The following METRNL variants were observed in gnomAD, a reference collection of about 807,000 sequenced individuals.
METRNL encodes meteorin like, glial cell differentiation regulator.
In METRNL, 9 loss-of-function variants were observed where a neutral mutation model predicts 17.4. That is an observed-to-expected ratio of 0.52 (90% CI 0.31 to 0.90). METRNL has a LOEUF of 0.90. Ranked by LOEUF, METRNL falls within the 40% of genes least tolerant of loss-of-function variation. The probability of loss-of-function intolerance (pLI) is 0.05; values close to 1 mark genes in which losing one functional copy is unlikely to be tolerated. For synonymous variants in METRNL, 215 were observed against 199.3 expected, an observed-to-expected ratio of 1.08 and a Z score of -0.66; for missense variants, 408 against 430.7, an observed-to-expected ratio of 0.95 and a Z score of 0.47.
At position 83,095,101 on chromosome 17, in the gene METRNL, A is replaced by G. The variant is rs2038188533; in HGVS notation, c.*526A>G. On this transcript the variant is annotated 3_prime_UTR_variant, in exon 4 of 4. Transcript: ENST00000320095. ...GCCGCCGGTTGTTTCCGTTCCCGAG[A>G]ATAAAGACGAGGATCCGACCAGCCA... 6.6e-6 allele frequency: 1 copy of G among 152,292 alleles called. No individual in the cohort carries two copies. The highest frequency in any genetic ancestry group is 6.5e-5 in the Admixed American group (1 of 15,284). 9.4% of individuals were successfully genotyped at this position (152,292 alleles called of 1,614,324 possible). A position where few individuals can be genotyped will look rare whatever the true frequency, so the allele number is the denominator to read the frequency against.
chr17:83,089,696 C>A (rs7405511), intron 2 of METRNL, among the ~76,000 whole-genome samples: 1 of 151,946 alleles, frequency 6.6e-6, no homozygotes, highest in Admixed American at 6.5e-5. Context: ...CAGCGCGTTC[C>A]GCAGCCTTTA....
chr17:83,091,604 CA>C (rs1216365642), intron 2 of METRNL, among the ~76,000 whole-genome samples: 1 of 152,244 alleles, frequency 6.6e-6, no homozygotes, highest in African/African-American at 2.4e-5. Context: ...CCCCAGTCAC[CA>C]GCAGCTGGCT....
At chr17:83,093,725 G>A (rs1024742352) in intron 3 of METRNL, among the ~76,000 whole-genome samples, 1 of 152,162 alleles carries the variant, frequency 6.6e-6, no homozygotes, top group South Asian at 2.1e-4. Context: ...TTGCACAGAC[G>A]CCCTGTGGGA....
At chr17:83,093,314 C>A in intron 3 of METRNL, 88 bp downstream of exon 3, 2 of 1,114,634 alleles carry the variant, frequency 1.8e-6, no homozygotes, top group Non-Finnish European at 2.7e-6. Context: ...CTCTTCAGGG[C>A]CCAGGACAGC....
In METRNL at chr17:83,085,200, G is replaced by A; in HGVS notation, c.433G>A (p.Gly145Ser). Residue 145 changes from glycine (G) to serine (S), a missense_variant, in exon 2 of 4, where the codon GGC (glycine) becomes AGC (serine). Gly to Ser is a moderately conservative substitution (Grantham distance 56, BLOSUM62 0). Coordinates refer to ENST00000320095, the MANE Select transcript of METRNL (RefSeq NM_001004431.3). ...DGRPGRVQCF[G>S]LEQGGLFVEA... is the part of the protein sequence containing the mutation. ...CAGGCCCGGCCGGGTGCAGTGTTTT[G>A]GCCTGGAGCAGGGCGGCCTGTTCGT... The A allele has an allele frequency of 1.9e-6, 3 of 1,609,506 alleles. No individual in the cohort carries two copies. Among genetic ancestry groups the A allele is most frequent in the Non-Finnish European group, 2.5e-6 (3 of 1,177,588 alleles).
At chr17:83,092,129 C>T (rs1017415859) in intron 2 of METRNL, among the ~76,000 whole-genome samples, 6 of 152,178 alleles carry the variant, frequency 3.9e-5, no homozygotes, top group Non-Finnish European at 7.4e-5. Flanking sequence ...GGCCAGGCCC[C>T]GCAGGGTTCA....
At chr17:83,083,285 C>T (rs1052590031) in intron 1 of METRNL, among the ~76,000 whole-genome samples, 2 of 152,238 alleles carry the variant, frequency 1.3e-5, no homozygotes, top group African/African-American at 4.8e-5. Context: ...AGCCCGCTCC[C>T]TCGACCTTCA....
intron 2 of METRNL, among the ~76,000 whole-genome samples, chr17:83,090,238 C>A (rs1410327575): frequency 1.8e-5 from 1 of 56,710 alleles, no homozygotes; most frequent in Non-Finnish European, 3.6e-5. Context: ...CCACACACAC[C>A]CCCGCCCTGC....
chr17:83,082,063 T>A, intron 1 of METRNL: 1 of 985,398 alleles, frequency 1.0e-6, no homozygotes, highest in Non-Finnish European at 1.2e-6. Flanking sequence ...TGGGTGTTTC[T>A]TCTAAGCAGT....
intron 2 of METRNL, among the ~76,000 whole-genome samples, chr17:83,089,490 T>G (rs946479897): frequency 6.6e-6 from 1 of 152,034 alleles, no homozygotes; most frequent in Non-Finnish European, 1.5e-5. Context: ...ACACCTGCCG[T>G]GCAATCTAAG....
At chr17:83,083,594 G>A (rs984667956) in intron 1 of METRNL, among the ~76,000 whole-genome samples, 13 of 152,180 alleles carry the variant, frequency 8.5e-5, no homozygotes, top group African/African-American at 3.1e-4. Flanking sequence ...GATCCTGGCA[G>A]CCGGCTAGGC....
chr17:83,084,717 GT>G, intron 1 of METRNL: 2 of 586,592 alleles, frequency 3.4e-6, no homozygotes, highest in Non-Finnish European at 3.0e-6. Flanking sequence ...CTTGGTGCAG[GT>G]GCACTGGAAG....
chr17:83,093,783 G>T (rs1444384979), intron 3 of METRNL, among the ~76,000 whole-genome samples: 2 of 152,146 alleles, frequency 1.3e-5, no homozygotes, highest in East Asian at 3.9e-4. Context: ...ATGTCCTGCA[G>T]GCCCCGGCTC....
intron 2 of METRNL, among the ~76,000 whole-genome samples, chr17:83,086,869 C>G (rs2038058496): frequency 6.6e-6 from 1 of 152,154 alleles, no homozygotes; most frequent in African/African-American, 2.4e-5. Context: ...CCTTACGGAG[C>G]CTGTGCCCTC....
At chr17:83,081,619 C>T (rs796779920) in intron 1 of METRNL, among the ~76,000 whole-genome samples, 4 of 152,190 alleles carry the variant, frequency 2.6e-5, no homozygotes, top group African/African-American at 9.6e-5. Context: ...AGGCCCTCTT[C>T]GCCATCGTTG....
chr17:83,087,814 C>T (rs1267567653), intron 2 of METRNL, among the ~76,000 whole-genome samples: 3 of 152,258 alleles, frequency 2.0e-5, no homozygotes, highest in South Asian at 2.1e-4. Flanking sequence ...CCTGGCAGCA[C>T]GACCCACGGG....
intron 2 of METRNL, among the ~76,000 whole-genome samples, chr17:83,091,792 G>T (rs1020480775): frequency 6.6e-6 from 1 of 152,240 alleles, no homozygotes; most frequent in East Asian, 1.9e-4. Flanking sequence ...TGGCACCGGC[G>T]AAACCAGTGC....
chr17:83,081,840 C>T (rs1371864026), intron 1 of METRNL, among the ~76,000 whole-genome samples: 1 of 152,180 alleles, frequency 6.6e-6, no homozygotes, highest in Non-Finnish European at 1.5e-5. Flanking sequence ...CCCCGTTGAT[C>T]CACACACGTC....
At chr17:83,091,402 C>T (rs2038134760) in intron 2 of METRNL, among the ~76,000 whole-genome samples, 1 of 152,238 alleles carries the variant, frequency 6.6e-6, no homozygotes. Context: ...TCTCTGGGTC[C>T]CTCCTACCTC....
Sources: allele counts gnomAD v4.1 joint callset (sites outside exome capture counted in the v4.1 genomes callset), GRCh38; gene constraint gnomAD v4.1.1; transcripts MANE v1.5; gene names NCBI Gene and HGNC (gene_info 2026-07-23, HGNC 2026-07-21).